Variants in FOXO1 observed in about 807,000 individuals in gnomAD.
FOXO1 encodes forkhead box protein O1.
In FOXO1, 6 loss-of-function variants were observed where a neutral mutation model predicts 44.1. The ratio of observed to expected loss-of-function variants is 0.14; its 90% CI spans 0.07 to 0.27. The LOEUF is 0.27. FOXO1 is among the 10% of genes least tolerant of loss of function. FOXO1 has a pLI of 1.00. For missense variants in FOXO1, 737 were observed against 888.8 expected, an observed-to-expected ratio of 0.83 and a Z score of 2.17; for synonymous variants, 380 against 362.7, an observed-to-expected ratio of 1.05 and a Z score of -0.54.
intron 1 of FOXO1, among the ~76,000 whole-genome samples, chr13:40,612,795 C>T: frequency 6.6e-6 from 1 of 152,146 alleles, no homozygotes; most frequent in Admixed American, 6.5e-5. Context: ...ATCTCTTACT[C>T]TGCCTAATGT....
intron 1 of FOXO1, among the ~76,000 whole-genome samples, chr13:40,575,313 C>A (rs572895354): frequency 1.3e-5 from 2 of 152,250 alleles, no homozygotes; most frequent in South Asian, 4.1e-4. Context: ...TGCACTCTAG[C>A]CTGGGTGACA....
chr13:40,590,595 A>C (rs1271670539), intron 1 of FOXO1, among the ~76,000 whole-genome samples: 1 of 152,234 alleles, frequency 6.6e-6, no homozygotes, highest in Non-Finnish European at 1.5e-5. Flanking sequence ...TCAAAAGTTT[A>C]GTTTTCCATC....
chr13:40,644,540 G>A (rs764831781), intron 1 of FOXO1, among the ~76,000 whole-genome samples: 5 of 152,186 alleles, frequency 3.3e-5, no homozygotes, highest in Non-Finnish European at 5.9e-5. Context: ...AGACCTGCAC[G>A]TGAGTCCGGT....
At chr13:40,637,219 C>A (rs1203735215) in intron 1 of FOXO1, among the ~76,000 whole-genome samples, 2 of 151,980 alleles carry the variant, frequency 1.3e-5, no homozygotes, top group Admixed American at 6.6e-5. Flanking sequence ...CCAAGGCAGG[C>A]GGATCAGGAG....
At chr13:40,582,763 G>A (rs545201981) in intron 1 of FOXO1, among the ~76,000 whole-genome samples, 1 of 152,226 alleles carries the variant, frequency 6.6e-6, no homozygotes, top group East Asian at 1.9e-4. Context: ...CACCACATCT[G>A]CATCTACTTC....
At chr13:40,630,297 G>A (rs1301599304) in intron 1 of FOXO1, among the ~76,000 whole-genome samples, 2 of 152,090 alleles carry the variant, frequency 1.3e-5, no homozygotes, top group African/African-American at 2.4e-5. Context: ...CTTCTAAACA[G>A]TCTGGGGCTG....
Position 40,628,184 on chromosome 13 carries a change from A to T in FOXO1, c.630+37399T>A, listed in dbSNP as rs571723624. Among the ~76,000 whole-genome samples, 56 of 152,130 alleles carry T rather than the reference A, an allele frequency of 3.7e-4. No individual in the cohort carries two copies. The South Asian group carries it at 7.7e-3, about 21-fold the overall frequency. On this transcript the variant is annotated intron_variant, in intron 1 of 2. Transcript: ENST00000379561. ...ACTTGAAAAAATTTCAAAATAAAAA[A>T]TTTTTTTTAAAAAGCCCTTCTTGGG...
intron 1 of FOXO1, among the ~76,000 whole-genome samples, chr13:40,642,110 C>G (rs1877372061): frequency 6.6e-6 from 1 of 152,200 alleles, no homozygotes; most frequent in Admixed American, 6.5e-5. Context: ...GTGGGAATAT[C>G]TACATTATAT....
chr13:40,572,070 G>A (rs1874541269), intron 1 of FOXO1, among the ~76,000 whole-genome samples: 1 of 152,138 alleles, frequency 6.6e-6, no homozygotes, highest in Non-Finnish European at 1.5e-5. Flanking sequence ...GTTCATGCTA[G>A]GTAAATGTAT....
chr13:40,623,527 T>C (rs1876686229), intron 1 of FOXO1, among the ~76,000 whole-genome samples: 1 of 152,204 alleles, frequency 6.6e-6, no homozygotes, highest in Admixed American at 6.5e-5. Context: ...GTTTTTTTTC[T>C]TTTTAATGGG....
intron 1 of FOXO1, among the ~76,000 whole-genome samples, chr13:40,611,379 T>C (rs888673043): frequency 6.6e-6 from 1 of 152,210 alleles, no homozygotes; most frequent in Non-Finnish European, 1.5e-5. Context: ...ACAAGGTTAC[T>C]AGGTACACAC....
At chr13:40,599,501 T>G (rs1452246172) in intron 1 of FOXO1, among the ~76,000 whole-genome samples, 2 of 152,250 alleles carry the variant, frequency 1.3e-5, no homozygotes, top group Non-Finnish European at 2.9e-5. Flanking sequence ...ACGTGGACCC[T>G]GTGAAACCAC....
At chr13:40,568,158 C>T (rs61963261) in intron 1 of FOXO1, among the ~76,000 whole-genome samples, 20,411 of 151,996 alleles carry the variant, frequency 0.13, 1,568 homozygotes, top group South Asian at 0.28. Context: ...CACCACCCTG[C>T]GTGAAGGTGT....
intron 1 of FOXO1, among the ~76,000 whole-genome samples, chr13:40,578,289 C>T (rs1009467798): frequency 9.9e-5 from 15 of 152,158 alleles, no homozygotes; most frequent in African/African-American, 3.6e-4. Context: ...ACTCAGGCTA[C>T]AGTTCATGGA....
chr13:40,572,598 AAT>A (rs1432441570), intron 1 of FOXO1, among the ~76,000 whole-genome samples: 11 of 152,202 alleles, frequency 7.2e-5, no homozygotes, highest in Admixed American at 3.3e-4. Context: ...GAGACTGCCG[AAT>A]ATATATGTTT....
At chr13:40,559,472 T>C in intron 2 of FOXO1, 37 bp downstream of exon 2, 1 of 1,514,352 alleles carries the variant, frequency 6.6e-7, no homozygotes, top group Non-Finnish European at 8.8e-7. Flanking sequence ...TTAAGTTCTA[T>C]TTTTCAAAAG....
chr13:40,626,199 C>T (rs1468023097), intron 1 of FOXO1, among the ~76,000 whole-genome samples: 5 of 152,174 alleles, frequency 3.3e-5, no homozygotes, highest in African/African-American at 1.2e-4. Context: ...AACAGAATAA[C>T]AAATCCTAGC....
At chr13:40,566,635 C>T (rs1874279422) in intron 1 of FOXO1, among the ~76,000 whole-genome samples, 1 of 152,108 alleles carries the variant, frequency 6.6e-6, no homozygotes, top group Admixed American at 6.5e-5. Flanking sequence ...GCCTCAGTCT[C>T]CACAAAGCGC....
intron 2 of FOXO1, 70 bp downstream of exon 2, chr13:40,559,439 G>T: frequency 1.4e-6 from 2 of 1,383,932 alleles, no homozygotes; most frequent in Middle Eastern, 2.1e-4. Flanking sequence ...GCTAACCATG[G>T]CAAGTTACTG....
Sources: allele counts gnomAD v4.1 joint callset (sites outside exome capture counted in the v4.1 genomes callset), GRCh38; gene constraint gnomAD v4.1.1; transcripts MANE v1.5; gene names NCBI Gene and HGNC (gene_info 2026-07-23, HGNC 2026-07-21).